NR3C1: variants seen among roughly 807,000 people sequenced by gnomAD.
NR3C1 encodes the protein nuclear receptor subfamily 3 group C member 1.
A neutral mutation model predicts 74.0 loss-of-function variants in NR3C1; 14 were observed. That is an observed-to-expected ratio of 0.19 (90% CI 0.12 to 0.30). NR3C1 has a LOEUF of 0.30. Among genes scored for constraint, NR3C1 ranks in the 10% least tolerant of loss-of-function variants. The pLI is 1.00. For missense variants in NR3C1, 695 were observed against 909.8 expected, an observed-to-expected ratio of 0.76 and a Z score of 3.04; for synonymous variants, 308 against 332.5, an observed-to-expected ratio of 0.93 and a Z score of 0.80.
chr5:143,431,135 T>C (rs768317836), intron 1 of NR3C1, among the ~76,000 whole-genome samples: 3 of 152,150 alleles, frequency 2.0e-5, no homozygotes, highest in Non-Finnish European at 4.4e-5. Flanking sequence ...GGTTCAGACA[T>C]GGTTTAGGAT....
intron 1 of NR3C1, among the ~76,000 whole-genome samples, chr5:143,430,033 G>A (rs1056376379): frequency 6.6e-5 from 10 of 150,768 alleles, no homozygotes; most frequent in African/African-American, 2.4e-4. Context: ...AGTAAGCCAA[G>A]ATTGCACCAC....
chr5:143,420,167 GT>G (rs1751149597), intron 1 of NR3C1, among the ~76,000 whole-genome samples: 1 of 152,196 alleles, frequency 6.6e-6, no homozygotes, highest in East Asian at 1.9e-4. Context: ...ATTTCATATT[GT>G]TCAAACACAC....
chr5:143,397,238 T>C (rs1213859876), intron 2 of NR3C1, among the ~76,000 whole-genome samples: 1 of 151,896 alleles, frequency 6.6e-6, no homozygotes, highest in Non-Finnish European at 1.5e-5. Context: ...TTGCAATTTA[T>C]AACTTTTTTT....
intron 2 of NR3C1, among the ~76,000 whole-genome samples, chr5:143,342,798 A>C (rs190556291): frequency 6.6e-6 from 1 of 152,338 alleles, no homozygotes; most frequent in Non-Finnish European, 1.5e-5. Context: ...TACAAGGAAA[A>C]GGCCAGTTAA....
intron 4 of NR3C1, among the ~76,000 whole-genome samples, chr5:143,306,301 C>T (rs371479759): frequency 1.3e-5 from 2 of 151,932 alleles, no homozygotes; most frequent in Non-Finnish European, 2.9e-5. Flanking sequence ...GGGCTATCAT[C>T]GAAACTGCTT....
At chr5:143,290,944 A>T (rs1354195034) in intron 7 of NR3C1, among the ~76,000 whole-genome samples, 1 of 152,132 alleles carries the variant, frequency 6.6e-6, no homozygotes, top group Non-Finnish European at 1.5e-5. Flanking sequence ...ACTTCCTGTT[A>T]TCATGCCCTT....
intron 2 of NR3C1, among the ~76,000 whole-genome samples, chr5:143,316,660 CCT>C (rs1032159871): frequency 1.9e-4 from 29 of 152,128 alleles, no homozygotes; most frequent in East Asian, 1.7e-3. Context: ...TACTTTGACC[CCT>C]GAGTTTCCTC....
chr5:143,402,197 T>C (rs989332289), intron 1 of NR3C1, among the ~76,000 whole-genome samples: 1 of 152,194 alleles, frequency 6.6e-6, no homozygotes, highest in Non-Finnish European at 1.5e-5. Context: ...ACACGAGGTA[T>C]CGAATGGAGC....
intron 2 of NR3C1, among the ~76,000 whole-genome samples, chr5:143,396,265 A>C (rs1600567765): frequency 6.6e-6 from 1 of 151,888 alleles, no homozygotes; most frequent in Admixed American, 6.6e-5. Flanking sequence ...AACAAGTTAC[A>C]GATTTAAAAA....
intron 4 of NR3C1, among the ~76,000 whole-genome samples, chr5:143,307,418 C>T (rs1057199664): frequency 1.3e-5 from 2 of 152,146 alleles, no homozygotes; most frequent in Non-Finnish European, 2.9e-5. Flanking sequence ...AAAATCATTA[C>T]TTTGTAGTTG....
At position 143,281,488 on chromosome 5, in the gene NR3C1, A is replaced by G. The variant is rs1167006868; in HGVS notation, c.*401T>C. ...GCTATCCTAACTATACAGGGGGGGG[A>G]TACACCAACAGAAAGTCTAGAAAAT... On this transcript the variant is annotated 3_prime_UTR_variant, in exon 9 of 9. Transcript: ENST00000394464. 1 of 231,916 alleles carries G rather than the reference A, an allele frequency of 4.3e-6. No homozygotes were observed. Among genetic ancestry groups the G allele is most frequent in the African/African-American group, 2.3e-5 (1 of 42,748 alleles). The allele number at this position is 231,916 out of a possible 1,614,324, so 14.4% of individuals were successfully genotyped here.
chr5:143,306,935 C>T (rs1312235009), intron 4 of NR3C1, among the ~76,000 whole-genome samples: 9 of 121,492 alleles, frequency 7.4e-5, no homozygotes, highest in African/African-American at 9.7e-5. Context: ...CTCGCTCTGT[C>T]GCCCAGGCTG....
intron 2 of NR3C1, among the ~76,000 whole-genome samples, chr5:143,325,046 G>A (rs769746700): frequency 6.6e-5 from 10 of 152,126 alleles, no homozygotes; most frequent in African/African-American, 1.2e-4. Context: ...ACATTTTCCC[G>A]TCTTCTTCTG....
At chr5:143,346,926 C>T (rs1427647074) in intron 2 of NR3C1, among the ~76,000 whole-genome samples, 3 of 152,160 alleles carry the variant, frequency 2.0e-5, no homozygotes, top group South Asian at 2.1e-4. Flanking sequence ...TAATGAAAAT[C>T]GACTTCTGAT....
In NR3C1 at chr5:143,282,037, A is replaced by G. The variant is rs1353048513; in HGVS notation, c.2186T>C (p.Val729Ala). The change falls in exon 9 of 9, where the codon GTT becomes GCT. Residue 729 changes from valine to alanine, a missense_variant. Val to Ala is a moderately conservative substitution (Grantham distance 64). Transcript: ENST00000394464. ...TKLLDSMHEV[V>A]ENLLNYCFQT... Reference sequence around the variant, plus strand: ...GAAGCAATAGTTAAGGAGATTTTCAACCACCTGCAAGAGAAGATATGGTAA... The same window carrying G: ...GAAGCAATAGTTAAGGAGATTTTCAGCCACCTGCAAGAGAAGATATGGTAA... The G allele has an allele frequency of 1.2e-6, 2 of 1,613,404 alleles. No homozygotes were observed. The highest frequency in any genetic ancestry group is 1.3e-5 in the African/African-American group (1 of 74,884).
At position 143,314,179 on chromosome 5, in the gene NR3C1, G is replaced by T; in HGVS notation, c.1185-11C>A. ...GGTCTCATGCTGGGGCTAAAGAAGG[G>T]GAAGAACAGTGTTATGATTTAACTG... On this transcript the variant is annotated splice_polypyrimidine_tract_variant and intron_variant, in intron 2 of 8. Transcript: ENST00000394464. 1 of 1,613,328 alleles carries T rather than the reference G, an allele frequency of 6.2e-7. No homozygotes were observed. The highest frequency in any genetic ancestry group is 1.1e-5 in the South Asian group (1 of 91,016).
intron 1 of NR3C1, among the ~76,000 whole-genome samples, chr5:143,432,581 TC>T (rs1203077038): frequency 6.6e-6 from 1 of 152,178 alleles, no homozygotes; most frequent in African/African-American, 2.4e-5. Flanking sequence ...GCAGGGACAC[TC>T]AAAATTGGTG....
intron 2 of NR3C1, among the ~76,000 whole-genome samples, chr5:143,344,554 A>G (rs766963953): frequency 1.3e-5 from 2 of 152,060 alleles, no homozygotes; most frequent in Non-Finnish European, 2.9e-5. Flanking sequence ...TTTGTTCAAC[A>G]TTGTTTTAAC....
chr5:143,293,994 C>A, intron 7 of NR3C1: 1 of 985,128 alleles, frequency 1.0e-6, no homozygotes, highest in Non-Finnish European at 1.2e-6. Context: ...AAGTGTACCG[C>A]TACAGGTAAC....
Sources: allele counts gnomAD v4.1 joint callset (sites outside exome capture counted in the v4.1 genomes callset), GRCh38; gene constraint gnomAD v4.1.1; transcripts MANE v1.5; gene names NCBI Gene and HGNC (gene_info 2026-07-23, HGNC 2026-07-21).